ODAD2: variants seen among roughly 807,000 people sequenced by gnomAD.
ODAD2 encodes the protein outer dynein arm-docking complex subunit 2.
Under a neutral mutation model 106.8 loss-of-function variants are expected in ODAD2, and 89 were observed. That is an observed-to-expected ratio of 0.83 (90% CI 0.70 to 0.99). The LOEUF (loss-of-function observed/expected upper bound fraction) is 0.99. Ranked by LOEUF, ODAD2 falls within the 50% of genes least tolerant of loss-of-function variation. The pLI is 0.00. For synonymous variants in ODAD2, 404 were observed against 436.2 expected, an observed-to-expected ratio of 0.93 and a Z score of 0.92; for missense variants, 1,168 against 1,238.5, an observed-to-expected ratio of 0.94 and a Z score of 0.85.
At chr10:27,895,049 A>AAAC (rs1385987819) in intron 17 of ODAD2, among the ~76,000 whole-genome samples, 2 of 151,850 alleles carry the variant, frequency 1.3e-5, no homozygotes, top group South Asian at 2.1e-4. Flanking sequence ...ACGAAAAAAA[A>AAAC]AAAAAACTGT....
At chr10:27,950,610 G>C (rs900049745) in intron 10 of ODAD2, among the ~76,000 whole-genome samples, 2 of 152,134 alleles carry the variant, frequency 1.3e-5, no homozygotes, top group East Asian at 3.9e-4. Context: ...ATTTTGAGAC[G>C]GAGTCTTGCT....
intron 16 of ODAD2, among the ~76,000 whole-genome samples, chr10:27,921,049 T>C (rs1003154595): frequency 1.3e-5 from 2 of 152,138 alleles, no homozygotes; most frequent in Non-Finnish European, 2.9e-5. Flanking sequence ...TTACAACGTG[T>C]GGAAGGAAAA....
At chr10:27,853,558 C>G (rs1327758008) in intron 19 of ODAD2, among the ~76,000 whole-genome samples, 1 of 151,868 alleles carries the variant, frequency 6.6e-6, no homozygotes, top group Non-Finnish European at 1.5e-5. Flanking sequence ...GATTTCAAAA[C>G]AAAGAATATG....
chr10:27,994,837 G>C, intron 2 of ODAD2, 82 bp downstream of exon 2: 1 of 1,468,146 alleles, frequency 6.8e-7, no homozygotes, highest in South Asian at 1.3e-5. Context: ...GAGGTTAGGT[G>C]ACTTGCCCCC....
At chr10:27,855,657 G>C (rs1451657196) in intron 19 of ODAD2, among the ~76,000 whole-genome samples, 2 of 152,066 alleles carry the variant, frequency 1.3e-5, no homozygotes, top group East Asian at 1.9e-4. Flanking sequence ...CCTGTGCTAG[G>C]CTTCAAAAAC....
intron 16 of ODAD2, among the ~76,000 whole-genome samples, chr10:27,920,972 AAG>A (rs1382435443): frequency 2.0e-5 from 3 of 152,320 alleles, no homozygotes; most frequent in Admixed American, 6.5e-5. Flanking sequence ...GTGTATGTGA[AAG>A]AGTCTTTCAT....
At chr10:27,997,862 G>T (rs1198712301) in intron 1 of ODAD2, among the ~76,000 whole-genome samples, 1 of 152,148 alleles carries the variant, frequency 6.6e-6, no homozygotes, top group Admixed American at 6.5e-5. Flanking sequence ...ATGAATCCAT[G>T]TAAATACACA....
chr10:27,982,405 C>A (rs992599769), intron 6 of ODAD2, among the ~76,000 whole-genome samples: 43 of 152,012 alleles, frequency 2.8e-4, no homozygotes, highest in Non-Finnish European at 5.7e-4. Flanking sequence ...TCAATAATAA[C>A]CTTTGATAGA....
intron 19 of ODAD2, among the ~76,000 whole-genome samples, chr10:27,841,277 C>A (rs1207426040): frequency 2.0e-5 from 3 of 152,158 alleles, no homozygotes; most frequent in Non-Finnish European, 2.9e-5. Context: ...ATTCTTAATT[C>A]TTCCTGTTCC....
At chr10:27,971,410 C>T (rs111408365) in intron 7 of ODAD2, 97 bp from the exon 8 acceptor site, 37 of 1,051,678 alleles carry the variant, frequency 3.5e-5, no homozygotes, top group East Asian at 1.6e-4. Context: ...AAGGAAGTCT[C>T]GGATGCATTT....
chr10:27,968,042 TGAA>T (rs748687262), intron 9 of ODAD2, among the ~76,000 whole-genome samples: 105 of 145,650 alleles, frequency 7.2e-4, no homozygotes, highest in Non-Finnish European at 1.2e-3. Context: ...ATCAAGGTGA[TGAA>T]GAAGTATGAA....
intron 19 of ODAD2, among the ~76,000 whole-genome samples, chr10:27,856,124 T>G (rs1201845478): frequency 1.3e-5 from 2 of 152,230 alleles, no homozygotes; most frequent in Non-Finnish European, 2.9e-5. Context: ...CTTCTCATAT[T>G]TTCCACATAG....
intron 9 of ODAD2, among the ~76,000 whole-genome samples, chr10:27,963,539 T>G (rs1848286198): frequency 6.6e-6 from 1 of 152,176 alleles, no homozygotes; most frequent in Admixed American, 6.5e-5. Flanking sequence ...AACACACAAG[T>G]CCACAATACT....
intron 17 of ODAD2, among the ~76,000 whole-genome samples, chr10:27,863,476 A>G (rs533603457): frequency 7.2e-5 from 11 of 152,312 alleles, no homozygotes; most frequent in African/African-American, 2.6e-4. Context: ...TCCAAGAATG[A>G]CCATATTGAG....
At position 27,860,888 on chromosome 10, in the gene ODAD2, A is replaced by G. The variant is rs1195497190; in HGVS notation, c.2800-42T>C. On this transcript the variant is annotated intron_variant, in intron 18 of 19. Transcript: ENST00000305242. ...GAAATGGGATCTGTGCATTGTAATG[A>G]CCCTGCAAGATCATGTCTATAAGCA... 3.3e-6 allele frequency: 5 copies of G among 1,536,606 alleles called. No homozygotes were observed. The Admixed American group carries it at 8.4e-5, about 26-fold the overall frequency.
intron 8 of ODAD2, among the ~76,000 whole-genome samples, chr10:27,970,451 C>T (rs1381681534): frequency 1.3e-5 from 2 of 152,108 alleles, no homozygotes; most frequent in Non-Finnish European, 2.9e-5. Flanking sequence ...TTTACATTTC[C>T]CCTGTGACTG....
intron 19 of ODAD2, among the ~76,000 whole-genome samples, chr10:27,821,514 A>T (rs1346876683): frequency 6.6e-6 from 1 of 152,168 alleles, no homozygotes; most frequent in Non-Finnish European, 1.5e-5. Flanking sequence ...ATTTCTTTAA[A>T]CTAAGGCACT....
chr10:27,832,576 T>C (rs560342638), intron 19 of ODAD2, among the ~76,000 whole-genome samples: 2 of 152,252 alleles, frequency 1.3e-5, no homozygotes, highest in African/African-American at 4.8e-5. Context: ...TACTTTGGTA[T>C]AGAACTTTGT....
chr10:27,934,832 T>G (rs1264070869), intron 16 of ODAD2, among the ~76,000 whole-genome samples, 178 bp downstream of exon 16: 2 of 152,206 alleles, frequency 1.3e-5, no homozygotes, highest in Non-Finnish European at 1.5e-5. Context: ...CCATCTCATA[T>G]GAGGTAATGT....
Sources: allele counts gnomAD v4.1 joint callset (sites outside exome capture counted in the v4.1 genomes callset), GRCh38; gene constraint gnomAD v4.1.1; transcripts MANE v1.5; gene names NCBI Gene and HGNC (gene_info 2026-07-23, HGNC 2026-07-21).